NUBPL: variants seen among roughly 807,000 people sequenced by gnomAD.
NUBPL encodes iron-sulfur cluster transfer protein NUBPL.
Under a neutral mutation model 45.7 loss-of-function variants are expected in NUBPL, and 31 were observed. That is an observed-to-expected ratio of 0.68 (90% CI 0.51 to 0.92). The LOEUF (loss-of-function observed/expected upper bound fraction) is 0.92, where lower values mean the gene tolerates loss of function less well. Ranked by LOEUF, NUBPL falls within the 40% of genes least tolerant of loss-of-function variation. NUBPL has a pLI of 0.00. For missense variants in NUBPL, 401 were observed against 398.7 expected (o/e 1.01, Z -0.05); for synonymous variants, 144 against 140.9 (o/e 1.02, Z -0.15).
At chr14:31,815,981 T>C (rs878944101) in intron 7 of NUBPL, among the ~76,000 whole-genome samples, 3 of 152,200 alleles carry the variant, frequency 2.0e-5, no homozygotes, top group East Asian at 1.9e-4. Flanking sequence ...ATCAGTGATA[T>C]GGGCCTGAAA....
At chr14:31,671,473 A>G (rs1250330591) in intron 4 of NUBPL, among the ~76,000 whole-genome samples, 4 of 152,222 alleles carry the variant, frequency 2.6e-5, no homozygotes, top group African/African-American at 9.6e-5. Context: ...TTTCCAAATT[A>G]GGAAAAATCT....
intron 7 of NUBPL, among the ~76,000 whole-genome samples, chr14:31,817,263 A>G (rs1194464712): frequency 6.6e-6 from 1 of 152,202 alleles, no homozygotes; most frequent in Non-Finnish European, 1.5e-5. Flanking sequence ...GTTATTATCC[A>G]GGAGAATTTT....
At chr14:31,683,681 A>G (rs2036889960) in intron 6 of NUBPL, among the ~76,000 whole-genome samples, 1 of 151,874 alleles carries the variant, frequency 6.6e-6, no homozygotes, top group Non-Finnish European at 1.5e-5. Context: ...TTACCTACAC[A>G]CTTGCTATTT....
At chr14:31,811,430 T>C (rs1337280778) in intron 7 of NUBPL, among the ~76,000 whole-genome samples, 1 of 152,198 alleles carries the variant, frequency 6.6e-6, no homozygotes, top group Non-Finnish European at 1.5e-5. Flanking sequence ...AGCTTGTGCA[T>C]GCATCACATA....
intron 4 of NUBPL, among the ~76,000 whole-genome samples, chr14:31,672,736 T>C (rs1354781703): frequency 6.6e-6 from 1 of 152,218 alleles, no homozygotes; most frequent in African/African-American, 2.4e-5. Context: ...GTGCCTGGTA[T>C]TGAGGCTGTT....
chr14:31,670,888 T>TAC (rs1411214842), intron 4 of NUBPL, among the ~76,000 whole-genome samples: 1 of 152,154 alleles, frequency 6.6e-6, no homozygotes, highest in South Asian at 2.1e-4. Flanking sequence ...TGTAGTGTAG[T>TAC]TTGAAGTTGG....
chr14:31,627,181 AGG>A (rs2035225586), intron 4 of NUBPL, among the ~76,000 whole-genome samples: 1 of 152,150 alleles, frequency 6.6e-6, no homozygotes, highest in Non-Finnish European at 1.5e-5. Flanking sequence ...GGAGGAAAAA[AGG>A]GAATTGAAAT....
At chr14:31,721,149 G>A (rs546104965) in intron 6 of NUBPL, among the ~76,000 whole-genome samples, 2 of 152,272 alleles carry the variant, frequency 1.3e-5, no homozygotes, top group Admixed American at 6.5e-5. Flanking sequence ...ATCCCCTTTT[G>A]TAAAGTGTGT....
At chr14:31,792,545 G>A (rs1201866173) in intron 7 of NUBPL, among the ~76,000 whole-genome samples, 1 of 152,050 alleles carries the variant, frequency 6.6e-6, no homozygotes, top group African/African-American at 2.4e-5. Flanking sequence ...TAGAGTTGTA[G>A]CAGGCAGTGT....
intron 10 of NUBPL, among the ~76,000 whole-genome samples, chr14:31,853,436 C>CT (rs1447641634): frequency 6.6e-6 from 1 of 152,140 alleles, no homozygotes; most frequent in Non-Finnish European, 1.5e-5. Flanking sequence ...TAATCGTTAG[C>CT]TTTTTGTCTT....
At chr14:31,787,642 C>T (rs896818205) in intron 6 of NUBPL, 138 bp from the exon 7 acceptor site, 8 of 657,610 alleles carry the variant, frequency 1.2e-5, no homozygotes, top group Admixed American at 4.5e-5. Context: ...CCTTAGGACT[C>T]AGCACAGTGC....
At chr14:31,700,522 T>C (rs1017337501) in intron 6 of NUBPL, among the ~76,000 whole-genome samples, 71 of 152,116 alleles carry the variant, frequency 4.7e-4, no homozygotes, top group African/African-American at 1.5e-3. Context: ...GCCGGCTCCC[T>C]CTGCTTGCGG....
chr14:31,791,634 A>G (rs1595632364), intron 7 of NUBPL, among the ~76,000 whole-genome samples: 1 of 152,208 alleles, frequency 6.6e-6, no homozygotes, highest in African/African-American at 2.4e-5. Context: ...AGTGGCTGGT[A>G]AGAAAAGGAC....
intron 4 of NUBPL, among the ~76,000 whole-genome samples, chr14:31,641,961 G>T (rs898341291): frequency 4.6e-5 from 7 of 152,142 alleles, no homozygotes; most frequent in South Asian, 2.1e-4. Flanking sequence ...AAATATACTT[G>T]TTGGCCTTTG....
At chr14:31,612,592 C>T (rs889871529) in intron 4 of NUBPL, among the ~76,000 whole-genome samples, 6 of 151,156 alleles carry the variant, frequency 4.0e-5, no homozygotes, top group Admixed American at 6.6e-5. Context: ...ACCCAGGAGG[C>T]GGAGGTTGCA....
intron 6 of NUBPL, among the ~76,000 whole-genome samples, chr14:31,758,887 G>A (rs1019103543): frequency 2.0e-5 from 3 of 152,056 alleles, no homozygotes; most frequent in Non-Finnish European, 2.9e-5. Flanking sequence ...GCAAAAACTC[G>A]TGGGTTCCCT....
rs117871431 is a variant in NUBPL, at chr14:31,602,762, T to C, written c.382+3383T>C. On this transcript the variant is annotated intron_variant, in intron 4 of 10. Coordinates refer to ENST00000281081, the MANE Select transcript of NUBPL (RefSeq NM_025152.3). ...TTATTGTCTCTTTATATTAAATGTG[T>C]GGATATATGGGATTATTTGAATAGG... 3.7e-3 allele frequency among the ~76,000 whole-genome samples: 558 copies of C among 152,250 alleles called. 17 individuals are homozygous for C. In the East Asian group the frequency reaches 0.082, roughly 22 times the overall value.
intron 3 of NUBPL, among the ~76,000 whole-genome samples, chr14:31,585,348 G>C (rs996862416): frequency 2.6e-5 from 4 of 152,202 alleles, no homozygotes; most frequent in Non-Finnish European, 4.4e-5. Context: ...TTGCGGGATG[G>C]ACAAACTTGT....
chr14:31,606,078 T>C (rs1432873086), intron 4 of NUBPL, among the ~76,000 whole-genome samples: 3 of 146,356 alleles, frequency 2.0e-5, no homozygotes, highest in African/African-American at 7.6e-5. Context: ...TCCTCCTTCA[T>C]CTTCCTTTTT....
Sources: gnomAD v4.1 joint callset for allele counts (sites outside exome capture counted in the v4.1 genomes callset) on GRCh38, gnomAD v4.1.1 for gene constraint, MANE v1.5 for transcripts, NCBI Gene and HGNC (gene_info 2026-07-23, HGNC 2026-07-21) for gene names.